Variants in NMRK1 observed in about 807,000 individuals in gnomAD.
The protein encoded by NMRK1 is NRK 1.
A neutral mutation model predicts 29.9 loss-of-function variants in NMRK1; 28 were observed. The observed-to-expected ratio is 0.94, with a 90% CI of 0.69 to 1.28. The LOEUF is 1.28. Among genes scored for constraint, NMRK1 ranks in the 50% most tolerant of loss-of-function variants. NMRK1 has a pLI of 0.00. For missense variants in NMRK1, 218 were observed against 233.1 expected (o/e 0.94, Z 0.42); for synonymous variants, 58 against 73.0 (o/e 0.79, Z 1.05).
chr9:75,082,291 C>T (rs536055864), intron 2 of NMRK1, among the ~76,000 whole-genome samples: 1 of 152,314 alleles, frequency 6.6e-6, no homozygotes, highest in East Asian at 1.9e-4. Flanking sequence ...CTGAACTTTT[C>T]TTCTGGTTAG....
At chr9:75,084,260 C>G (rs1256539049) in intron 1 of NMRK1, among the ~76,000 whole-genome samples, 1 of 152,192 alleles carries the variant, frequency 6.6e-6, no homozygotes, top group Non-Finnish European at 1.5e-5. Context: ...GGCCGTGTAG[C>G]CAGGGGCAAG....
At chr9:75,066,636 A>G in intron 8 of NMRK1, 121 bp downstream of exon 8, 1 of 734,390 alleles carries the variant, frequency 1.4e-6, no homozygotes, top group Middle Eastern at 3.8e-4. Context: ...CCTCAAAGCA[A>G]AGAATGGATG....
intron 7 of NMRK1, among the ~76,000 whole-genome samples, chr9:75,067,468 A>C (rs1366481721): frequency 1.3e-5 from 2 of 152,232 alleles, no homozygotes; most frequent in Admixed American, 6.5e-5. Flanking sequence ...GTCAGAAAAC[A>C]GCATGAGTAG....
chr9:75,072,277 T>G (rs1435475363), intron 4 of NMRK1, among the ~76,000 whole-genome samples: 1 of 152,226 alleles, frequency 6.6e-6, no homozygotes, highest in Non-Finnish European at 1.5e-5. Flanking sequence ...TGCTTTCTTT[T>G]TTCCTTTCAG....
At chr9:75,087,172 T>C (rs1039795803) in intron 1 of NMRK1, among the ~76,000 whole-genome samples, 4 of 152,174 alleles carry the variant, frequency 2.6e-5, no homozygotes, top group African/African-American at 7.2e-5. Flanking sequence ...CCCAAAGTGC[T>C]GGGATTACAG....
chr9:75,087,062 C>T (rs988393094), intron 1 of NMRK1, among the ~76,000 whole-genome samples: 4 of 152,046 alleles, frequency 2.6e-5, no homozygotes, highest in Non-Finnish European at 5.9e-5. Context: ...TCTGCCACCA[C>T]GCCCGGCTAA....
rs770381683 is a variant in NMRK1 at position 75,083,126 on chromosome 9, G to A, written c.-11C>T. 1.9e-6 allele frequency: 3 copies of A among 1,577,418 alleles called. No individual in the cohort carries two copies. In the Admixed American group the frequency reaches 5.0e-5, roughly 26 times the overall value. ...GATAAATGTTTTCATAATTAGCTTTGAAAATCACAGCTTCCTAATATTTCC... is the reference window on the plus strand; with the variant it reads ...GATAAATGTTTTCATAATTAGCTTTAAAAATCACAGCTTCCTAATATTTCC... On this transcript the variant is annotated 5_prime_UTR_variant, in exon 2 of 9. Coordinates refer to ENST00000361092, the MANE Select transcript of NMRK1 (RefSeq NM_017881.3).
chr9:75,067,321 GTGTGTGTGTATGTT>G (rs1823412881), intron 7 of NMRK1: 1 of 124,082 alleles, frequency 8.1e-6, no homozygotes, highest in Admixed American at 8.2e-5. Context: ...TATGTATTGT[GTGTGTGTGTATGTT>G]TGTGTGTGTG....
intron 6 of NMRK1, chr9:75,069,371 AAATAGTGT>A: frequency 2.1e-6 from 1 of 479,266 alleles, no homozygotes; most frequent in Non-Finnish European, 3.7e-6. Context: ...ACTAAGAGAC[AAATAGTGT>A]AAATAACAAT....
chr9:75,084,751 C>T (rs567178764), intron 1 of NMRK1, among the ~76,000 whole-genome samples: 3 of 152,206 alleles, frequency 2.0e-5, no homozygotes, highest in Non-Finnish European at 4.4e-5. Flanking sequence ...GATTGAGCCG[C>T]TGCACTCCAG....
chr9:75,083,277 C>T (rs866840911), intron 1 of NMRK1, 127 bp from the exon 2 acceptor site: 4 of 630,956 alleles, frequency 6.3e-6, no homozygotes, highest in Admixed American at 5.0e-5. Flanking sequence ...AGCCCAGCCC[C>T]GCATTATCCA....
At chr9:75,073,523 A>G (rs7048444) in intron 4 of NMRK1, among the ~76,000 whole-genome samples, 144,524 of 152,222 alleles carry the variant, frequency 0.95, 68,664 homozygotes, top group East Asian at 1. Flanking sequence ...CAGATCACCT[A>G]AGGTCAGGAG....
At chr9:75,067,337 G>A (rs1823416700) in intron 7 of NMRK1, 1 of 151,356 alleles carries the variant, frequency 6.6e-6, no homozygotes, top group Non-Finnish European at 1.5e-5. Flanking sequence ...GTGTATGTTT[G>A]TGTGTGTGTG....
intron 2 of NMRK1, chr9:75,078,263 T>C (rs1026864809): frequency 1.9e-6 from 3 of 1,547,418 alleles, no homozygotes; most frequent in African/African-American, 2.7e-5. Context: ...ATATGGTCAC[T>C]GTGATTTTGC....
At chr9:75,072,724 T>C (rs1286108721) in intron 4 of NMRK1, among the ~76,000 whole-genome samples, 1 of 152,218 alleles carries the variant, frequency 6.6e-6, no homozygotes, top group Non-Finnish European at 1.5e-5. Context: ...TTTTCAAACA[T>C]TTGGTTATTG....
intron 7 of NMRK1, 112 bp downstream of exon 7, chr9:75,068,884 G>A (rs1358486234): frequency 1.5e-6 from 1 of 648,712 alleles, no homozygotes; most frequent in East Asian, 2.7e-5. Context: ...GAGAAGCCCA[G>A]AGTGTTCTTG....
intron 7 of NMRK1, chr9:75,067,077 T>C (rs555109313): frequency 1.3e-4 from 45 of 356,988 alleles, no homozygotes; most frequent in Non-Finnish European, 1.9e-4. Flanking sequence ...GAAAATTATT[T>C]AATTAAAAGA....
At position 75,060,639 on chromosome 9, in the gene NMRK1, T is replaced by C. The variant is rs1448524265; in HGVS notation, c.*909A>G. 4 of 152,278 alleles carry C rather than the reference T, an allele frequency of 2.6e-5. No homozygotes were observed. The highest frequency in any genetic ancestry group is 1.9e-4 in the East Asian group (1 of 5,192). The allele number at this position is 152,278 out of a possible 1,614,324, so 9.4% of individuals were successfully genotyped here. On this transcript the variant is annotated 3_prime_UTR_variant, in exon 9 of 9. Transcript: ENST00000361092. ...TCAGTACATAATTTAAATTCCAGCA[T>C]TGAAAGCAGCCTCAAGAGATCACAC...
intron 8 of NMRK1, 37 bp downstream of exon 8, chr9:75,066,720 T>C: frequency 6.1e-6 from 7 of 1,147,362 alleles, no homozygotes; most frequent in Non-Finnish European, 9.3e-6. Flanking sequence ...CCTGGCTGTT[T>C]CTCCTCTACC....
Sources: allele counts gnomAD v4.1 joint callset (sites outside exome capture counted in the v4.1 genomes callset), GRCh38; gene constraint gnomAD v4.1.1; transcripts MANE v1.5; gene names NCBI Gene and HGNC (gene_info 2026-07-23, HGNC 2026-07-21).